The following ZNF385B variants were observed in gnomAD, a reference collection of about 807,000 sequenced individuals.
ZNF385B encodes zinc finger protein 385B.
Under a neutral mutation model 39.2 loss-of-function variants are expected in ZNF385B, and 23 were observed. The observed-to-expected ratio is 0.59, with a 90% confidence interval of 0.42 to 0.83. The LOEUF is 0.83. Among genes scored for constraint, ZNF385B ranks in the 40% least tolerant of loss-of-function variants. ZNF385B has a pLI of 0.00. For synonymous variants in ZNF385B, 205 were observed against 222.6 expected, an observed-to-expected ratio of 0.92 and a Z score of 0.70; for missense variants, 552 against 598.9, an observed-to-expected ratio of 0.92 and a Z score of 0.82.
At chr2:179,495,789 G>A (rs112299548) in intron 5 of ZNF385B, among the ~76,000 whole-genome samples, 60 of 152,306 alleles carry the variant, frequency 3.9e-4, no homozygotes, top group African/African-American at 1.1e-3. Flanking sequence ...GCACTGCAGC[G>A]TTATAGGGAT....
intron 1 of ZNF385B, among the ~76,000 whole-genome samples, chr2:179,808,282 T>C (rs992399966): frequency 6.6e-6 from 1 of 152,206 alleles, no homozygotes; most frequent in Non-Finnish European, 1.5e-5. Flanking sequence ...TCCGCCCGCC[T>C]TGGCCTCCCA....
At chr2:179,856,465 C>T (rs951101446) in intron 1 of ZNF385B, among the ~76,000 whole-genome samples, 67 of 152,120 alleles carry the variant, frequency 4.4e-4, no homozygotes, top group Non-Finnish European at 4.9e-4. Flanking sequence ...AACAGCTGTG[C>T]CCAACATCTC....
intron 1 of ZNF385B, among the ~76,000 whole-genome samples, chr2:179,808,551 G>C (rs1706539300): frequency 2.0e-5 from 3 of 152,168 alleles, no homozygotes; most frequent in African/African-American, 7.2e-5. Context: ...GTGCATGGTG[G>C]TAAGCTAGTT....
At chr2:179,725,081 G>A (rs573919450) in intron 3 of ZNF385B, among the ~76,000 whole-genome samples, 16 of 152,094 alleles carry the variant, frequency 1.1e-4, no homozygotes, top group African/African-American at 3.9e-4. Context: ...ACATTTATGG[G>A]AAACTACACA....
chr2:179,574,555 T>C (rs1685590054), intron 3 of ZNF385B, among the ~76,000 whole-genome samples: 1 of 152,150 alleles, frequency 6.6e-6, no homozygotes, highest in Non-Finnish European at 1.5e-5. Context: ...ATAATGAATA[T>C]TGAAGCACTG....
At chr2:179,448,557 A>G (rs2049749088) in intron 6 of ZNF385B, among the ~76,000 whole-genome samples, 3 of 152,108 alleles carry the variant, frequency 2.0e-5, no homozygotes, top group Admixed American at 2.0e-4. Context: ...CCTTAAATTT[A>G]TATAGAACTT....
intron 1 of ZNF385B, among the ~76,000 whole-genome samples, chr2:179,829,734 C>T (rs560384411): frequency 3.3e-5 from 5 of 152,262 alleles, no homozygotes; most frequent in South Asian, 2.1e-4. Context: ...ACGATGGTCT[C>T]GATCTCCTGA....
chr2:179,462,843 G>T (rs1359651023), intron 6 of ZNF385B, among the ~76,000 whole-genome samples: 3 of 152,070 alleles, frequency 2.0e-5, no homozygotes. Context: ...TTCCTGAAAG[G>T]TTATGTGCAT....
intron 3 of ZNF385B, chr2:179,562,710 TCC>T: frequency 2.1e-6 from 1 of 483,786 alleles, no homozygotes; most frequent in Non-Finnish European, 2.7e-6. Context: ...TTTCTGAGTA[TCC>T]CCCAGCTACT....
intron 3 of ZNF385B, among the ~76,000 whole-genome samples, chr2:179,658,234 G>C (rs921110405): frequency 7.9e-5 from 12 of 152,150 alleles, no homozygotes; most frequent in African/African-American, 2.4e-4. Flanking sequence ...TCACACAAGC[G>C]TAGGTGCTCT....
At chr2:179,685,702 A>AT (rs386391976) in intron 3 of ZNF385B, among the ~76,000 whole-genome samples, 44 of 152,174 alleles carry the variant, frequency 2.9e-4, no homozygotes, top group Non-Finnish European at 4.6e-4. Context: ...TGCTAAAAAA[A>AT]AAAATAAAAA....
At chr2:179,478,456 G>A (rs2053657204) in intron 6 of ZNF385B, among the ~76,000 whole-genome samples, 1 of 152,340 alleles carries the variant, frequency 6.6e-6, no homozygotes, top group East Asian at 1.9e-4. Flanking sequence ...AGAAAGTCAA[G>A]TGAAAACATA....
At chr2:179,782,882 A>G (rs1308725558) in intron 1 of ZNF385B, among the ~76,000 whole-genome samples, 2 of 152,238 alleles carry the variant, frequency 1.3e-5, no homozygotes, top group African/African-American at 2.4e-5. Flanking sequence ...AGGAAGAATC[A>G]GTATCATTCA....
At chr2:179,483,518 T>G (rs2271759) in intron 5 of ZNF385B, 84 bp from the exon 6 acceptor site, 453,022 of 1,556,866 alleles carry the variant, frequency 0.29, 67,223 homozygotes, top group East Asian at 0.43. Context: ...AAATACATTC[T>G]ATCATAGGCA....
rs148164367 is a variant in ZNF385B at position 179,656,729 on chromosome 2, A to G, written c.299-111760T>C. On this transcript the variant is annotated intron_variant, in intron 3 of 9. Coordinates refer to ENST00000410066, the MANE Select transcript of ZNF385B (RefSeq NM_152520.6). ...ACATTTTTTTCATACTTGTCTCCCA[A>G]GAAATTTTAATACTATAGATATACC... Among the ~76,000 whole-genome samples the G allele has an allele frequency of 4.8e-4, 73 of 152,296 alleles. 1 individual carries two copies. The South Asian group carries it at 8.7e-3, about 18-fold the overall frequency.
chr2:179,696,310 T>C (rs901649052), intron 3 of ZNF385B, among the ~76,000 whole-genome samples: 6 of 129,556 alleles, frequency 4.6e-5, no homozygotes, highest in Non-Finnish European at 9.7e-5. Context: ...ACTGGGACAC[T>C]AGGTACAAAC....
At chr2:179,791,386 A>G (rs1705317482) in intron 1 of ZNF385B, among the ~76,000 whole-genome samples, 2 of 152,232 alleles carry the variant, frequency 1.3e-5, no homozygotes, top group African/African-American at 4.8e-5. Context: ...CTATACTGAC[A>G]TCCTCAAAAT....
intron 1 of ZNF385B, among the ~76,000 whole-genome samples, chr2:179,791,663 G>A (rs1705332994): frequency 6.6e-6 from 1 of 152,194 alleles, no homozygotes; most frequent in African/African-American, 2.4e-5. Context: ...ACAGTGCCAT[G>A]GCAAGCCATT....
At chr2:179,703,176 C>T (rs968647023) in intron 3 of ZNF385B, among the ~76,000 whole-genome samples, 5 of 152,224 alleles carry the variant, frequency 3.3e-5, no homozygotes, top group African/African-American at 1.2e-4. Context: ...TTCATCTACT[C>T]GCCCTCTAGT....
Sources: gnomAD v4.1 joint callset for allele counts (sites outside exome capture counted in the v4.1 genomes callset) on GRCh38, gnomAD v4.1.1 for gene constraint, MANE v1.5 for transcripts, NCBI Gene and HGNC (gene_info 2026-07-23, HGNC 2026-07-21) for gene names.